MYO19: variants seen among roughly 807,000 people sequenced by gnomAD.
MYO19 encodes the protein myosin XIX.
A neutral mutation model predicts 129.2 loss-of-function variants in MYO19; 132 were observed. That is an observed-to-expected ratio of 1.02 (90% CI 0.89 to 1.18). MYO19 has a LOEUF of 1.18. Ranked by LOEUF, MYO19 falls within the 50% of genes most tolerant of loss-of-function variation. MYO19 has a pLI of 0.00. For synonymous variants in MYO19, 531 were observed against 477.2 expected, an observed-to-expected ratio of 1.11 and a Z score of -1.47; for missense variants, 1,210 against 1,216.7, an observed-to-expected ratio of 0.99 and a Z score of 0.08.
intron 5 of MYO19, among the ~76,000 whole-genome samples, chr17:36,526,902 G>A (rs747241503): frequency 1.5e-4 from 23 of 151,932 alleles, no homozygotes; most frequent in African/African-American, 3.6e-4. Context: ...AAATAGGGCC[G>A]GGTACAGTGG....
chr17:36,525,433 A>T lies in MYO19; in HGVS notation c.301-92T>A. 5.3e-6 allele frequency: 5 copies of T among 952,122 alleles called. No homozygotes were observed. The South Asian group carries it at 7.3e-5, about 14-fold the overall frequency. The allele number at this position is 952,122 out of a possible 1,614,324, so 59.0% of individuals were successfully genotyped here. ...GATGACTGAGATGGGGAGGCTGCCA[A>T]TAGCAGTGGTGGGATGCTTCCTCCA... On this transcript the variant is annotated intron_variant, in intron 5 of 25. Coordinates refer to ENST00000614623, the MANE Select transcript of MYO19 (RefSeq NM_001163735.2).
chr17:36,525,400 G>A (rs1487108979), intron 5 of MYO19, 59 bp from the exon 6 acceptor site: 9 of 1,261,636 alleles, frequency 7.1e-6, no homozygotes, highest in East Asian at 4.8e-5. Flanking sequence ...AATGATGACT[G>A]AGCCAATGAT....
chr17:36,523,767 GA>G (rs1467496666), intron 6 of MYO19, among the ~76,000 whole-genome samples: 1 of 152,122 alleles, frequency 6.6e-6, no homozygotes, highest in Admixed American at 6.6e-5. Context: ...ATCAAAGTAG[GA>G]AGTGAACAGA....
intron 9 of MYO19, among the ~76,000 whole-genome samples, chr17:36,514,085 C>T (rs543706318): frequency 1.3e-5 from 2 of 152,094 alleles, no homozygotes; most frequent in African/African-American, 2.4e-5. Flanking sequence ...ACTCCCAGTC[C>T]GATGGAAAAG....
In MYO19 at chr17:36,513,621, C is replaced by A. The variant is rs760656280; in HGVS notation, c.817+8G>T. 6 of 1,613,958 alleles carry A rather than the reference C, an allele frequency of 3.7e-6. No individual in the cohort carries two copies. The South Asian group carries it at 6.6e-5, about 18-fold the overall frequency. On this transcript the variant is annotated splice_region_variant and intron_variant, in intron 10 of 25. Transcript: ENST00000614623. ...TCAGCGCAAGGTGCTGGATGGGGCTCCCCTTACCTTCTAAGCTCCTCTCTG... is the reference window on the plus strand; with the variant it reads ...TCAGCGCAAGGTGCTGGATGGGGCTACCCTTACCTTCTAAGCTCCTCTCTG...
upstream of MYO19, among the ~76,000 whole-genome samples, chr17:36,536,427 G>A (rs535476063): frequency 1.3e-5 from 2 of 151,982 alleles, no homozygotes; most frequent in Admixed American, 6.6e-5. Context: ...TTCATGATAC[G>A]TACTGTGCTC....
chr17:36,508,859 A>T (rs538901827), intron 14 of MYO19: 50 of 602,500 alleles, frequency 8.3e-5, no homozygotes, highest in Non-Finnish European at 1.2e-4. Context: ...AGAGTTATGG[A>T]CTGCTCAGAT....
In MYO19 at chr17:36,532,658, A is replaced by AT; in HGVS notation, c.-121dup. The stretch of plus-strand genomic sequence containing the variant: ...CAACAAAGGGCTCAGTTCTGGAGGA[A>AT]TCTCAGACAAGTCACTCCAGCGCCT... On this transcript the variant is annotated 5_prime_UTR_variant, in exon 3 of 26. Coordinates refer to ENST00000614623, the MANE Select transcript of MYO19 (RefSeq NM_001163735.2). The AT allele has an allele frequency of 4.1e-6, 5 of 1,229,874 alleles. No homozygotes were observed. The South Asian group carries it at 6.5e-5, about 16-fold the overall frequency. 76.2% of individuals were successfully genotyped at this position (1,229,874 alleles called of 1,614,324 possible). A position where few individuals can be genotyped will look rare whatever the true frequency, so the allele number is the denominator to read the frequency against.
At chr17:36,541,510 C>A (rs185004475) in intron 2 of MYO19, among the ~76,000 whole-genome samples, 8 of 152,100 alleles carry the variant, frequency 5.3e-5, no homozygotes, top group Admixed American at 2.0e-4. Flanking sequence ...TTTATGCCTG[C>A]ATTTTGTGGC....
intron 18 of MYO19, 57 bp from the exon 19 acceptor site, chr17:36,505,461 C>A: frequency 1.5e-6 from 2 of 1,338,014 alleles, no homozygotes; most frequent in East Asian, 2.3e-5. Flanking sequence ...GGGCCATCAA[C>A]TGGGCTCTGG....
chr17:36,515,238 G>A (rs1567762764), intron 7 of MYO19, 56 bp from the exon 8 acceptor site: 3 of 1,520,562 alleles, frequency 2.0e-6, no homozygotes, highest in Admixed American at 3.7e-5. Flanking sequence ...GTCCTCATAA[G>A]CCAAGGTGGC....
At chr17:36,535,181 A>G (rs1027503802), upstream of MYO19, 1 of 146,488 alleles carries the variant, frequency 6.8e-6, no homozygotes, top group Non-Finnish European at 1.5e-5. Flanking sequence ...GTCTTTCAGT[A>G]GAGGTCGCCG....
In MYO19 at chr17:36,513,188, A is replaced by G. The variant is rs1239006428; in HGVS notation, c.894+241T>C. ...ACCTTGCTCTCTGCCCCCATGGATC[A>G]CTTACTGCATTCTGTACTCTAGCAC... On this transcript the variant is annotated intron_variant, in intron 11 of 25. Coordinates refer to ENST00000614623, the MANE Select transcript of MYO19 (RefSeq NM_001163735.2). 3 of 1,420,088 alleles carry G rather than the reference A, an allele frequency of 2.1e-6. No homozygotes were observed. The Admixed American group carries it at 8.8e-5, about 42-fold the overall frequency. The allele number at this position is 1,420,088 out of a possible 1,614,324, so 88.0% of individuals were successfully genotyped here. A position where few individuals can be genotyped will look rare whatever the true frequency, so the allele number is the denominator to read the frequency against.
At chr17:36,535,137 T>C (rs1215492689), upstream of MYO19, 2 of 150,224 alleles carry the variant, frequency 1.3e-5, no homozygotes, top group Non-Finnish European at 2.9e-5. Context: ...GGAAGCACGG[T>C]TTCCTGGGCC....
intron 13 of MYO19, chr17:36,509,700 G>T: frequency 6.5e-6 from 1 of 153,186 alleles, no homozygotes; most frequent in Non-Finnish European, 1.5e-5. Context: ...CACTATACAG[G>T]GGTTTCTTCC....
In MYO19 at chr17:36,506,443, A is replaced by G; in HGVS notation, c.1797+13T>C. 1 of 1,613,876 alleles carries G rather than the reference A, an allele frequency of 6.2e-7. No individual in the cohort carries two copies. Among genetic ancestry groups the G allele is most frequent in the Non-Finnish European group, 8.5e-7 (1 of 1,179,838 alleles). On this transcript the variant is annotated intron_variant, in intron 18 of 25. Coordinates refer to ENST00000614623, the MANE Select transcript of MYO19 (RefSeq NM_001163735.2). The stretch of plus-strand genomic sequence containing the variant: ...TTTGAACCAAGCACCTCCCATCAGC[A>G]CATCAGACCCACCTTGAACTTGGAC...
At chr17:36,517,659 T>A (rs1178067267) in intron 6 of MYO19, among the ~76,000 whole-genome samples, 2 of 152,208 alleles carry the variant, frequency 1.3e-5, no homozygotes, top group East Asian at 3.8e-4. Context: ...ATACTTTGGG[T>A]TTATTCTGTT....
At chr17:36,515,303 T>A (rs559153524) in intron 7 of MYO19, 121 bp from the exon 8 acceptor site, 1 of 781,050 alleles carries the variant, frequency 1.3e-6, no homozygotes, top group Non-Finnish European at 2.0e-6. Flanking sequence ...GGCCCCTTTG[T>A]TGGTTTTCAT....
intron 11 of MYO19, among the ~76,000 whole-genome samples, chr17:36,512,389 C>CAA (rs551345278): frequency 0.047 from 3,635 of 77,822 alleles, 90 homozygotes; most frequent in South Asian, 0.1. Context: ...AACTCCATCT[C>CAA]AAAAAAAAAA....
Sources: allele counts gnomAD v4.1 joint callset (sites outside exome capture counted in the v4.1 genomes callset), GRCh38; gene constraint gnomAD v4.1.1; transcripts MANE v1.5; gene names NCBI Gene and HGNC (gene_info 2026-07-23, HGNC 2026-07-21).